CDH18: variants seen among roughly 807,000 people sequenced by gnomAD.
CDH18 encodes the protein cadherin 18.
CDH18 carries 31 observed loss-of-function variants against 67.9 expected under a neutral mutation model. That is an observed-to-expected ratio of 0.46 (90% CI 0.34 to 0.62). The LOEUF is 0.62. Ranked by LOEUF, CDH18 falls within the 20% of genes least tolerant of loss-of-function variation. The probability of loss-of-function intolerance (pLI) is 0.01; values close to 1 mark genes in which losing one functional copy is unlikely to be tolerated. For missense variants in CDH18, 890 were observed against 975.5 expected, an observed-to-expected ratio of 0.91 and a Z score of 1.17; for synonymous variants, 362 against 347.2, an observed-to-expected ratio of 1.04 and a Z score of -0.48.
intron 2 of CDH18, among the ~76,000 whole-genome samples, chr5:19,876,406 C>A (rs765410463): frequency 2.0e-5 from 3 of 152,004 alleles, no homozygotes; most frequent in Non-Finnish European, 2.9e-5. Flanking sequence ...CTATAAGGTA[C>A]AACTAGATGG....
At chr5:20,402,175 C>A (rs577733534) in intron 1 of CDH18, among the ~76,000 whole-genome samples, 1 of 152,060 alleles carries the variant, frequency 6.6e-6, no homozygotes, top group Non-Finnish European at 1.5e-5. Flanking sequence ...TACATGTAAC[C>A]TACTCAGAAA....
intron 8 of CDH18, among the ~76,000 whole-genome samples, chr5:19,559,523 C>T (rs933090063): frequency 1.3e-5 from 2 of 151,914 alleles, no homozygotes; most frequent in African/African-American, 4.8e-5. Flanking sequence ...AAGGGGCATA[C>T]CTTAAGGTAA....
chr5:20,401,829 A>G (rs1352836151), intron 1 of CDH18, among the ~76,000 whole-genome samples: 2 of 152,146 alleles, frequency 1.3e-5, no homozygotes, highest in Admixed American at 6.6e-5. Flanking sequence ...ATTAACTACA[A>G]CATTAATTTG....
rs199987078 is a variant in CDH18 at position 19,477,146 on chromosome 5, A to ATT, written c.1883-3431_1883-3430insAA. Among the ~76,000 whole-genome samples, 947 of 146,756 alleles carry ATT rather than the reference A, an allele frequency of 6.5e-3. 14 individuals carry two copies. The highest frequency in any genetic ancestry group is 0.022 in the African/African-American group (895 of 40,188). On this transcript the variant is annotated intron_variant, in intron 12 of 12. Transcript: ENST00000382275. ...TAAAAGGAGATATATATATATATTT[A>ATT]TATATATATATGTATAAAATCAAAA...
At chr5:20,326,707 T>G (rs1738628112) in intron 1 of CDH18, among the ~76,000 whole-genome samples, 1 of 151,916 alleles carries the variant, frequency 6.6e-6, no homozygotes, top group East Asian at 1.9e-4. Context: ...CCCGGCTAAT[T>G]TTTTGTATTT....
intron 5 of CDH18, among the ~76,000 whole-genome samples, chr5:19,659,165 T>C (rs956597900): frequency 2.6e-5 from 4 of 152,188 alleles, no homozygotes; most frequent in African/African-American, 7.2e-5. Context: ...AAGTCGTTTA[T>C]ATTTATAAGT....
intron 2 of CDH18, among the ~76,000 whole-genome samples, chr5:19,967,628 T>C (rs1289928526): frequency 1.3e-5 from 2 of 152,092 alleles, no homozygotes; most frequent in Non-Finnish European, 2.9e-5. Flanking sequence ...ATAGCACATA[T>C]TTTCATTTAC....
intron 2 of CDH18, among the ~76,000 whole-genome samples, chr5:20,222,924 A>C (rs1580516794): frequency 6.6e-6 from 1 of 152,198 alleles, no homozygotes; most frequent in African/African-American, 2.4e-5. Context: ...TCATATGAAA[A>C]TATTCTATTT....
intron 2 of CDH18, among the ~76,000 whole-genome samples, chr5:19,970,808 T>G (rs781497023): frequency 1.8e-4 from 27 of 150,974 alleles, no homozygotes; most frequent in Admixed American, 3.3e-4. Flanking sequence ...TATATATAAG[T>G]GTTTAAAATA....
intron 1 of CDH18, among the ~76,000 whole-genome samples, chr5:20,287,129 G>C (rs1561941053): frequency 6.6e-6 from 1 of 151,678 alleles, no homozygotes; most frequent in Non-Finnish European, 1.5e-5. Flanking sequence ...TGCCTAAGTG[G>C]ATTGATATCT....
intron 5 of CDH18, among the ~76,000 whole-genome samples, chr5:19,613,199 T>C (rs1749281114): frequency 6.6e-6 from 1 of 152,122 alleles, no homozygotes; most frequent in African/African-American, 2.4e-5. Flanking sequence ...CCTGCCACCC[T>C]ATTCCTAGTG....
At chr5:19,667,061 A>G (rs1758056190) in intron 5 of CDH18, among the ~76,000 whole-genome samples, 1 of 151,980 alleles carries the variant, frequency 6.6e-6, no homozygotes, top group Non-Finnish European at 1.5e-5. Flanking sequence ...TTCAATTACA[A>G]TTTCTTAATT....
chr5:19,603,062 A>C (rs1175547352), intron 6 of CDH18, among the ~76,000 whole-genome samples: 1 of 152,192 alleles, frequency 6.6e-6, no homozygotes, highest in Admixed American at 6.5e-5. Context: ...GGGGTGTTAC[A>C]CCCATATTCA....
intron 1 of CDH18, among the ~76,000 whole-genome samples, chr5:20,535,785 T>G (rs2126569173): frequency 6.6e-6 from 1 of 152,270 alleles, no homozygotes; most frequent in South Asian, 2.1e-4. Flanking sequence ...AGAATCCAGA[T>G]GAGAGTTCAC....
At chr5:20,443,563 C>T (rs1749790480) in intron 1 of CDH18, among the ~76,000 whole-genome samples, 1 of 151,774 alleles carries the variant, frequency 6.6e-6, no homozygotes, top group Admixed American at 6.6e-5. Context: ...CCGTATTTTC[C>T]TGGAGACAAT....
At position 19,646,355 on chromosome 5, in the gene CDH18, A is replaced by T. The variant is rs149790540; in HGVS notation, c.644-33754T>A. On this transcript the variant is annotated intron_variant, in intron 5 of 12. Transcript: ENST00000382275. Reference sequence around the variant, plus strand: ...TAAATTATTATTATTACTATTTTTGAGATGGAGTCTCTCTCACTCTGTCAC... The same window carrying T: ...TAAATTATTATTATTACTATTTTTGTGATGGAGTCTCTCTCACTCTGTCAC... Among the ~76,000 whole-genome samples the T allele has an allele frequency of 7.0e-3, 1,061 of 152,200 alleles. 5 individuals are homozygous for T. The highest frequency in any genetic ancestry group is 0.011 in the Non-Finnish European group (718 of 67,998).
intron 1 of CDH18, among the ~76,000 whole-genome samples, chr5:20,278,603 T>C (rs1745988173): frequency 6.6e-6 from 1 of 152,104 alleles, no homozygotes; most frequent in South Asian, 2.1e-4. Context: ...TAGAGGAACA[T>C]CGAATATGAT....
chr5:19,930,718 G>A (rs1036996107), intron 2 of CDH18, among the ~76,000 whole-genome samples: 1 of 152,044 alleles, frequency 6.6e-6, no homozygotes, highest in Non-Finnish European at 1.5e-5. Flanking sequence ...GGCTGAAAAC[G>A]AATCATAAAC....
At chr5:20,135,248 G>T (rs549915371) in intron 2 of CDH18, among the ~76,000 whole-genome samples, 2 of 151,886 alleles carry the variant, frequency 1.3e-5, no homozygotes, top group East Asian at 3.9e-4. Context: ...GAAATTCTTT[G>T]GGAATACCTC....
Sources: gnomAD v4.1 joint callset for allele counts (sites outside exome capture counted in the v4.1 genomes callset) on GRCh38, gnomAD v4.1.1 for gene constraint, MANE v1.5 for transcripts, NCBI Gene and HGNC (gene_info 2026-07-23, HGNC 2026-07-21) for gene names.